Variants in LRRC28 observed in about 807,000 individuals in gnomAD.
LRRC28 encodes leucine-rich repeat-containing protein 28.
Under a neutral mutation model 45.7 loss-of-function variants are expected in LRRC28, and 39 were observed. That is an observed-to-expected ratio of 0.85 (90% CI 0.66 to 1.12). The LOEUF is 1.12. LRRC28 is among the 50% of genes most tolerant of loss of function. The pLI is 0.00. For missense variants in LRRC28, 435 were observed against 438.5 expected (o/e 0.99, Z 0.07); for synonymous variants, 206 against 178.8 (o/e 1.15, Z -1.22).
rs1345002071 is a variant in LRRC28 at position 99,363,812 on chromosome 15, T to C, written c.1031+547T>C. Among the ~76,000 whole-genome samples, 7 of 152,306 alleles carry C rather than the reference T, an allele frequency of 4.6e-5. 1 individual carries two copies. The South Asian group carries it at 1.2e-3, about 27-fold the overall frequency. On this transcript the variant is annotated intron_variant, in intron 9 of 9. Transcript: ENST00000301981. ...TGTTCACTAAGTAAAACCCCAATAGTTCTACTTTAAAAAAAGGATAGCAGC... is the reference window on the plus strand; with the variant it reads ...TGTTCACTAAGTAAAACCCCAATAGCTCTACTTTAAAAAAAGGATAGCAGC...
rs767747111 is a variant in LRRC28, at chr15:99,375,499, GTTC to G, written c.1032-10520_1032-10518del. ...GGCCTTATTAAATGAGTTAGGAAGT[GTTC>G]TTCTTCTTCTGCTTTTTCCTGAAGA... is the stretch of plus-strand genomic sequence containing the variant. On this transcript the variant is annotated intron_variant, in intron 9 of 9. Transcript: ENST00000301981. Among the ~76,000 whole-genome samples, 19 of 152,146 alleles carry G rather than the reference GTTC, an allele frequency of 1.2e-4. No homozygotes were observed. The East Asian group carries it at 2.1e-3, about 17-fold the overall frequency.
chr15:99,312,179 A>G (rs1352975153), intron 5 of LRRC28, among the ~76,000 whole-genome samples: 1 of 152,210 alleles, frequency 6.6e-6, no homozygotes, highest in Non-Finnish European at 1.5e-5. Flanking sequence ...ATCATAGAGT[A>G]CACTTACATA....
At chr15:99,305,134 G>C (rs1422723575) in intron 5 of LRRC28, among the ~76,000 whole-genome samples, 4 of 152,148 alleles carry the variant, frequency 2.6e-5, no homozygotes, top group Non-Finnish European at 5.9e-5. Flanking sequence ...CTGTGCTCTA[G>C]AGATCATATA....
chr15:99,311,958 G>C (rs2152266195), intron 5 of LRRC28, among the ~76,000 whole-genome samples: 1 of 152,242 alleles, frequency 6.6e-6, no homozygotes, highest in South Asian at 2.1e-4. Flanking sequence ...TGTTTTACCA[G>C]AATTAAGCCA....
At position 99,276,533 on chromosome 15, in the gene LRRC28, A is replaced by G. The variant is rs770863522; in HGVS notation, c.169-43A>G. The G allele has an allele frequency of 7.4e-6, 11 of 1,489,370 alleles. No individual in the cohort carries two copies. The African/African-American group carries it at 1.2e-4, about 16-fold the overall frequency. The allele number at this position is 1,489,370 out of a possible 1,614,324, so 92.3% of individuals were successfully genotyped here. On this transcript the variant is annotated intron_variant, in intron 2 of 9. Transcript: ENST00000301981. ...TTAAACAAATTAGAAATGTTTAGAC[A>G]TTTTTCAAAAATAAAATTTAATTCT...
intron 6 of LRRC28, among the ~76,000 whole-genome samples, chr15:99,346,049 A>G (rs528035952): frequency 6.6e-6 from 1 of 151,976 alleles, no homozygotes; most frequent in East Asian, 1.9e-4. Flanking sequence ...TGGTGTAGTC[A>G]TGGCTCACTG....
chr15:99,285,377 A>T, intron 3 of LRRC28: 1 of 742,456 alleles, frequency 1.3e-6, no homozygotes, highest in Non-Finnish European at 2.5e-6. Context: ...GGCTGCATCC[A>T]CCTCCTCCGC....
At chr15:99,270,672 T>C (rs2081454066) in intron 2 of LRRC28, among the ~76,000 whole-genome samples, 1 of 152,232 alleles carries the variant, frequency 6.6e-6, no homozygotes, top group Admixed American at 6.5e-5. Flanking sequence ...GTTTACCCAT[T>C]CATCTACTGA....
At chr15:99,345,461 A>T (rs917824861) in intron 6 of LRRC28, among the ~76,000 whole-genome samples, 2 of 152,118 alleles carry the variant, frequency 1.3e-5, no homozygotes, top group African/African-American at 4.8e-5. Flanking sequence ...TTGGCCTTTC[A>T]TATATGTTCT....
chr15:99,311,766 G>GA (rs1263757989), intron 5 of LRRC28, among the ~76,000 whole-genome samples: 1 of 152,132 alleles, frequency 6.6e-6, no homozygotes, highest in Non-Finnish European at 1.5e-5. Flanking sequence ...GCCCTTTACT[G>GA]AAAAAATGTG....
intron 2 of LRRC28, chr15:99,259,481 A>T (rs2081127135): frequency 8.7e-7 from 1 of 1,153,900 alleles, no homozygotes; most frequent in Non-Finnish European, 1.3e-6. Context: ...CAATTGGGTG[A>T]AAGATAAAGC....
intron 2 of LRRC28, among the ~76,000 whole-genome samples, chr15:99,274,271 C>T (rs2081559812): frequency 6.6e-6 from 1 of 152,162 alleles, no homozygotes; most frequent in South Asian, 2.1e-4. Context: ...GTTTGTGATA[C>T]TGTTGCTAAG....
chr15:99,356,430 A>C (rs1208689956), intron 7 of LRRC28, among the ~76,000 whole-genome samples: 1 of 152,256 alleles, frequency 6.6e-6, no homozygotes, highest in Non-Finnish European at 1.5e-5. Flanking sequence ...ACTTCATGGC[A>C]GAATGGTTGG....
chr15:99,287,752 T>C lies in LRRC28; in HGVS notation c.248-62T>C, dbSNP rs188491736. ...AAATATTTTAACTTGGAATACTTGC[T>C]TTAAAGATTTGATGTAATACTTGAG... is the stretch of plus-strand genomic sequence containing the variant. On this transcript the variant is annotated intron_variant, in intron 4 of 9. Coordinates refer to ENST00000301981, the MANE Select transcript of LRRC28 (RefSeq NM_144598.5). 3,564 of 1,504,058 alleles carry C rather than the reference T, an allele frequency of 2.4e-3. 11 individuals are homozygous for C. Among genetic ancestry groups the C allele is most frequent in the Non-Finnish European group, 2.2e-3 (2,425 of 1,119,712 alleles). The allele number at this position is 1,504,058 out of a possible 1,614,324, so 93.2% of individuals were successfully genotyped here. A position where few individuals can be genotyped will look rare whatever the true frequency, so the allele number is the denominator to read the frequency against.
chr15:99,281,064 G>T (rs2081774412), intron 3 of LRRC28, among the ~76,000 whole-genome samples: 1 of 151,372 alleles, frequency 6.6e-6, no homozygotes. Flanking sequence ...GTCTTGCTCT[G>T]TCGCCCAGGC....
intron 2 of LRRC28, among the ~76,000 whole-genome samples, chr15:99,273,268 A>T (rs1421658716): frequency 6.6e-6 from 1 of 151,752 alleles, no homozygotes; most frequent in African/African-American, 2.4e-5. Context: ...ATGGAGTCTC[A>T]CTCTGTCACC....
chr15:99,334,235 C>G, intron 6 of LRRC28, 106 bp downstream of exon 6: 1 of 1,271,438 alleles, frequency 7.9e-7, no homozygotes, highest in Non-Finnish European at 1.1e-6. Context: ...TTTATCTTGA[C>G]GATTGCTTCT....
At chr15:99,351,386 C>G (rs911049348) in intron 6 of LRRC28, among the ~76,000 whole-genome samples, 11 of 152,196 alleles carry the variant, frequency 7.2e-5, no homozygotes, top group Non-Finnish European at 1.5e-4. Context: ...CCTGCTACCT[C>G]TGGGAAATAC....
At chr15:99,350,418 C>T (rs984904236) in intron 6 of LRRC28, among the ~76,000 whole-genome samples, 1 of 152,190 alleles carries the variant, frequency 6.6e-6, no homozygotes, top group African/African-American at 2.4e-5. Context: ...CTTACCTTAA[C>T]TTTATATTAC....
Sources: allele counts gnomAD v4.1 joint callset (sites outside exome capture counted in the v4.1 genomes callset), GRCh38; gene constraint gnomAD v4.1.1; transcripts MANE v1.5; gene names NCBI Gene and HGNC (gene_info 2026-07-23, HGNC 2026-07-21).